DNAJC24: variants seen among roughly 807,000 people sequenced by gnomAD.
DNAJC24 encodes the protein dnaJ homolog subfamily C member 24.
A neutral mutation model predicts 18.0 loss-of-function variants in DNAJC24; 17 were observed. The ratio of observed to expected loss-of-function variants is 0.94; its 90% CI spans 0.65 to 1.42. DNAJC24 has a LOEUF of 1.42. Ranked by LOEUF, DNAJC24 falls within the 40% of genes most tolerant of loss-of-function variation. The probability of loss-of-function intolerance (pLI) is 0.00; values close to 1 mark genes in which losing one functional copy is unlikely to be tolerated. For synonymous variants in DNAJC24, 55 were observed against 57.7 expected (o/e 0.95, Z 0.21); for missense variants, 158 against 175.6 (o/e 0.90, Z 0.57).
chr11:31,410,384 T>C (rs1952696767), intron 2 of DNAJC24, among the ~76,000 whole-genome samples: 1 of 152,236 alleles, frequency 6.6e-6, no homozygotes, highest in South Asian at 2.1e-4. Flanking sequence ...ATTAGTTTTG[T>C]CTTTTTATCA....
At chr11:31,412,787 G>C (rs1484200985) in intron 2 of DNAJC24, among the ~76,000 whole-genome samples, 1 of 152,172 alleles carries the variant, frequency 6.6e-6, no homozygotes, top group Non-Finnish European at 1.5e-5. Context: ...GTTTGCCGTA[G>C]AATCTTTGTC....
intron 2 of DNAJC24, among the ~76,000 whole-genome samples, chr11:31,395,217 T>A (rs1952533361): frequency 1.3e-5 from 2 of 152,132 alleles, no homozygotes; most frequent in South Asian, 4.2e-4. Context: ...GATCTCATTC[T>A]TTTTTTTATG....
At chr11:31,385,519 T>TA (rs1197949455) in intron 2 of DNAJC24, among the ~76,000 whole-genome samples, 1 of 152,236 alleles carries the variant, frequency 6.6e-6, no homozygotes, top group African/African-American at 2.4e-5. Flanking sequence ...TTTAATCACT[T>TA]ACTGTCCCAC....
chr11:31,413,452 T>C (rs1952727266), intron 2 of DNAJC24, among the ~76,000 whole-genome samples: 1 of 149,762 alleles, frequency 6.7e-6, no homozygotes, highest in Non-Finnish European at 1.5e-5. Context: ...TGCCTCAGCC[T>C]CCTGAGTAGC....
intron 2 of DNAJC24, among the ~76,000 whole-genome samples, chr11:31,408,570 G>C (rs1351353034): frequency 6.6e-6 from 1 of 152,154 alleles, no homozygotes; most frequent in Non-Finnish European, 1.5e-5. Context: ...TTTCATAACT[G>C]AAGTGTTACT....
intron 2 of DNAJC24, among the ~76,000 whole-genome samples, chr11:31,412,531 A>C (rs1554934233): frequency 6.6e-6 from 1 of 152,106 alleles, no homozygotes; most frequent in Non-Finnish European, 1.5e-5. Context: ...AATGCAGCCA[A>C]CTCCACTTTG....
chr11:31,402,729 T>A (rs1952611825), intron 2 of DNAJC24, among the ~76,000 whole-genome samples: 1 of 152,178 alleles, frequency 6.6e-6, no homozygotes, highest in Admixed American at 6.5e-5. Flanking sequence ...AGGCTGTTCC[T>A]GAACTCCTGG....
In DNAJC24 at chr11:31,413,177, C is replaced by G. The variant is rs187314506; in HGVS notation, c.112-1634C>G. Among the ~76,000 whole-genome samples the G allele has an allele frequency of 2.2e-3, 341 of 151,652 alleles. 6 individuals are homozygous for G. Among genetic ancestry groups the G allele is most frequent in the Non-Finnish European group, 2.5e-4 (17 of 67,938 alleles). On this transcript the variant is annotated intron_variant, in intron 2 of 4. Transcript: ENST00000465995. ...CCACACTGATGAGTCATGAAATGTG[C>G]ACATGGTTACTTGCCTGTTTATTGT... is the stretch of plus-strand genomic sequence containing the variant.
Position 31,432,636 on chromosome 11 carries a change from T to C in DNAJC24, c.*2235T>C, listed in dbSNP as rs1952948346. On this transcript the variant is annotated 3_prime_UTR_variant, in exon 5 of 5. Coordinates refer to ENST00000465995, the MANE Select transcript of DNAJC24 (RefSeq NM_181706.5). ...TGTTATAGTATCATCATATTCCCTT[T>C]TGCTATCTGTCCCTTTTCTCTATGC... The C allele has an allele frequency of 9.7e-7, 1 of 1,036,094 alleles. No homozygotes were observed. Among genetic ancestry groups the C allele is most frequent in the Non-Finnish European group, 1.5e-6 (1 of 656,228 alleles). 64.2% of individuals were successfully genotyped at this position (1,036,094 alleles called of 1,614,324 possible).
At chr11:31,405,301 C>T (rs532825711) in intron 2 of DNAJC24, among the ~76,000 whole-genome samples, 15 of 151,566 alleles carry the variant, frequency 9.9e-5, no homozygotes, top group African/African-American at 3.6e-4. Flanking sequence ...AACTCCTGAC[C>T]TCAGGTGATC....
At chr11:31,424,456 T>C (rs892092544) in intron 3 of DNAJC24, among the ~76,000 whole-genome samples, 17 of 152,150 alleles carry the variant, frequency 1.1e-4, no homozygotes, top group Non-Finnish European at 2.5e-4. Context: ...GTGATTAAGA[T>C]TTTTGTCCCC....
In DNAJC24 at chr11:31,401,008, C is replaced by T. The variant is rs181000524; in HGVS notation, c.112-13803C>T. Among the ~76,000 whole-genome samples, 690 of 152,182 alleles carry T rather than the reference C, an allele frequency of 4.5e-3. 6 individuals are homozygous for T. Among genetic ancestry groups the T allele is most frequent in the African/African-American group, 0.015 (631 of 41,516 alleles). On this transcript the variant is annotated intron_variant, in intron 2 of 4. Coordinates refer to ENST00000465995, the MANE Select transcript of DNAJC24 (RefSeq NM_181706.5). ...ACAAAGGTCTAATATTCAGAATCTA[C>T]AAGGAACATCAATAAATTTACAAGA... is the stretch of plus-strand genomic sequence containing the variant.
At chr11:31,389,662 C>T (rs1048078640) in intron 2 of DNAJC24, among the ~76,000 whole-genome samples, 2 of 152,140 alleles carry the variant, frequency 1.3e-5, no homozygotes, top group African/African-American at 4.8e-5. Context: ...AATGGACCTA[C>T]CTGATAGATA....
intron 2 of DNAJC24, among the ~76,000 whole-genome samples, chr11:31,389,439 T>A (rs1952465752): frequency 6.6e-6 from 1 of 152,210 alleles, no homozygotes; most frequent in Admixed American, 6.5e-5. Flanking sequence ...AAGGAGTTAA[T>A]GCAGCAAGAT....
intron 4 of DNAJC24, chr11:31,427,551 T>C (rs1262624117): frequency 6.6e-6 from 1 of 152,190 alleles, no homozygotes; most frequent in Non-Finnish European, 1.5e-5. Flanking sequence ...AAAAAAAATA[T>C]ATGCACATAT....
chr11:31,397,270 G>A (rs942892699), intron 2 of DNAJC24, among the ~76,000 whole-genome samples: 1 of 152,114 alleles, frequency 6.6e-6, no homozygotes, highest in African/African-American at 2.4e-5. Flanking sequence ...TTTTTTGATG[G>A]ATAAACATTT....
intron 2 of DNAJC24, among the ~76,000 whole-genome samples, chr11:31,411,356 A>G (rs575695009): frequency 8.5e-5 from 13 of 152,356 alleles, no homozygotes; most frequent in African/African-American, 2.6e-4. Flanking sequence ...TAAATCATAA[A>G]TATATTTGGA....
At chr11:31,430,030 C>T (rs185847278) in intron 4 of DNAJC24, among the ~76,000 whole-genome samples, 1 of 152,248 alleles carries the variant, frequency 6.6e-6, no homozygotes. Context: ...TCCCAAAATC[C>T]TTGGACTTTT....
At chr11:31,382,921 C>T (rs1331445627) in intron 2 of DNAJC24, among the ~76,000 whole-genome samples, 9 of 152,174 alleles carry the variant, frequency 5.9e-5, no homozygotes, top group Non-Finnish European at 1.5e-5. Context: ...ATCTGGGTTC[C>T]CATGTTTCCT....
Sources: allele counts gnomAD v4.1 joint callset (sites outside exome capture counted in the v4.1 genomes callset), GRCh38; gene constraint gnomAD v4.1.1; transcripts MANE v1.5; gene names NCBI Gene and HGNC (gene_info 2026-07-23, HGNC 2026-07-21).